SH3RF3: variants seen among roughly 807,000 people sequenced by gnomAD.
SH3RF3 encodes the protein SH3 domain containing ring finger 3.
Under a neutral mutation model 66.3 loss-of-function variants are expected in SH3RF3, and 29 were observed. That is an observed-to-expected ratio of 0.44 (90% CI 0.33 to 0.60). The LOEUF (loss-of-function observed/expected upper bound fraction) is 0.60, where lower values mean the gene tolerates loss of function less well. Ranked by LOEUF, SH3RF3 falls within the 20% of genes least tolerant of loss-of-function variation. The probability of loss-of-function intolerance (pLI) is 0.04; values close to 1 mark genes in which losing one functional copy is unlikely to be tolerated. For synonymous variants in SH3RF3, 583 were observed against 532.0 expected (o/e 1.10, Z -1.32); for missense variants, 1,194 against 1,190.9 (o/e 1.00, Z -0.04).
At chr2:109,193,003 A>G (rs1390498126) in intron 1 of SH3RF3, among the ~76,000 whole-genome samples, 1 of 152,248 alleles carries the variant, frequency 6.6e-6, no homozygotes, top group Non-Finnish European at 1.5e-5. Flanking sequence ...GAAACCTGCA[A>G]GTTGGAAAAG....
chr2:109,155,075 C>A (rs1677308799), intron 1 of SH3RF3, among the ~76,000 whole-genome samples: 1 of 152,160 alleles, frequency 6.6e-6, no homozygotes, highest in African/African-American at 2.4e-5. Flanking sequence ...GCTCTGGCCT[C>A]CCTCCGGGCC....
chr2:109,298,959 G>A (rs1417344353), intron 1 of SH3RF3, among the ~76,000 whole-genome samples: 1 of 152,168 alleles, frequency 6.6e-6, no homozygotes, highest in African/African-American at 2.4e-5. Flanking sequence ...AAAAAGCCAG[G>A]CCGTATGACA....
chr2:109,377,158 T>C (rs552004855), intron 3 of SH3RF3, among the ~76,000 whole-genome samples: 1 of 152,358 alleles, frequency 6.6e-6, no homozygotes, highest in African/African-American at 2.4e-5. Context: ...ATTGATTGTC[T>C]GTTTCTAATT....
chr2:109,376,923 C>T (rs1683401646), intron 3 of SH3RF3, among the ~76,000 whole-genome samples: 1 of 152,250 alleles, frequency 6.6e-6, no homozygotes, highest in Admixed American at 6.5e-5. Flanking sequence ...TAGATAGACC[C>T]TAGTCTGCAA....
At chr2:109,238,452 TGTG>T (rs1679699977) in intron 1 of SH3RF3, among the ~76,000 whole-genome samples, 14 of 956 alleles carry the variant, frequency 0.015, no homozygotes, top group Admixed American at 0.027. Context: ...TGTATATTTG[TGTG>T]TGTGTGTGTG....
chr2:109,347,029 C>T (rs1015874074), intron 1 of SH3RF3, among the ~76,000 whole-genome samples: 2 of 152,112 alleles, frequency 1.3e-5, no homozygotes, highest in Non-Finnish European at 2.9e-5. Context: ...GTGTGTGTAC[C>T]GCTGGCCATG....
chr2:109,333,993 G>C (rs1682345308), intron 1 of SH3RF3, among the ~76,000 whole-genome samples: 1 of 152,134 alleles, frequency 6.6e-6, no homozygotes, highest in Non-Finnish European at 1.5e-5. Context: ...AATTTTTAAG[G>C]AAGTGGGCAG....
chr2:109,147,590 G>A (rs1471975515), intron 1 of SH3RF3, among the ~76,000 whole-genome samples: 1 of 152,172 alleles, frequency 6.6e-6, no homozygotes, highest in East Asian at 1.9e-4. Flanking sequence ...AATTATTCAG[G>A]AGGGTTATAT....
intron 7 of SH3RF3, among the ~76,000 whole-genome samples, chr2:109,442,604 T>C (rs2104608532): frequency 6.6e-6 from 1 of 152,074 alleles, no homozygotes; most frequent in East Asian, 1.9e-4. Flanking sequence ...GAAGTGGAAG[T>C]TTGGTATACT....
At chr2:109,242,801 G>A (rs1011764829) in intron 1 of SH3RF3, among the ~76,000 whole-genome samples, 1 of 152,182 alleles carries the variant, frequency 6.6e-6, no homozygotes, top group Non-Finnish European at 1.5e-5. Flanking sequence ...GTTTGGAGAG[G>A]ATGGGGACCC....
At chr2:109,487,058 G>T (rs148489955) in intron 8 of SH3RF3, among the ~76,000 whole-genome samples, 56 of 152,286 alleles carry the variant, frequency 3.7e-4, no homozygotes, top group African/African-American at 1.3e-3. Flanking sequence ...GTGCTAGGGG[G>T]AACGTTTGCA....
At chr2:109,386,657 G>T (rs940497442) in intron 3 of SH3RF3, among the ~76,000 whole-genome samples, 37 of 152,136 alleles carry the variant, frequency 2.4e-4, no homozygotes, top group African/African-American at 8.5e-4. Context: ...GCTTATCCTA[G>T]GGGCAGCCCC....
chr2:109,472,099 A>G (rs1176166710), intron 8 of SH3RF3, among the ~76,000 whole-genome samples: 1 of 152,252 alleles, frequency 6.6e-6, no homozygotes, highest in Non-Finnish European at 1.5e-5. Context: ...ATTATTAATT[A>G]GATTGTTAAT....
intron 3 of SH3RF3, among the ~76,000 whole-genome samples, chr2:109,381,497 C>T (rs1372853103): frequency 6.6e-6 from 1 of 152,136 alleles, no homozygotes; most frequent in African/African-American, 2.4e-5. Context: ...TTGGGCCATC[C>T]ACGTCCACCT....
chr2:109,301,132 T>G (rs191632204), intron 1 of SH3RF3, among the ~76,000 whole-genome samples: 1 of 152,308 alleles, frequency 6.6e-6, no homozygotes, highest in Admixed American at 6.5e-5. Context: ...GAAGGCCAGC[T>G]CACTAGCTGC....
intron 1 of SH3RF3, among the ~76,000 whole-genome samples, chr2:109,172,732 G>C (rs899967686): frequency 1.3e-5 from 2 of 152,210 alleles, no homozygotes; most frequent in African/African-American, 4.8e-5. Context: ...GTTGAGCTCT[G>C]GCAGGGATGC....
intron 7 of SH3RF3, among the ~76,000 whole-genome samples, chr2:109,442,966 C>A (rs1264608491): frequency 6.6e-6 from 1 of 152,180 alleles, no homozygotes; most frequent in African/African-American, 2.4e-5. Flanking sequence ...GAGTAAGAAA[C>A]ATACTTTAAT....
intron 7 of SH3RF3, among the ~76,000 whole-genome samples, chr2:109,439,978 G>A (rs1677515825): frequency 6.6e-6 from 1 of 152,182 alleles, no homozygotes; most frequent in South Asian, 2.1e-4. Context: ...CATATGGAAA[G>A]TTTTCAAGAG....
chr2:109,441,158 A>C (rs1346170753), intron 7 of SH3RF3, among the ~76,000 whole-genome samples: 1 of 148,896 alleles, frequency 6.7e-6, no homozygotes, highest in African/African-American at 2.5e-5. Flanking sequence ...TCCAGCTCTC[A>C]ACAACATAAA....
Sources: gnomAD v4.1 joint callset for allele counts (sites outside exome capture counted in the v4.1 genomes callset) on GRCh38, gnomAD v4.1.1 for gene constraint, MANE v1.5 for transcripts, NCBI Gene and HGNC (gene_info 2026-07-23, HGNC 2026-07-21) for gene names.